Variants in ABCD4 observed in about 807,000 individuals in gnomAD.
ABCD4 encodes ATP binding cassette subfamily D member 4.
ABCD4 carries 53 observed loss-of-function variants against 86.3 expected under a neutral mutation model. That is an observed-to-expected ratio of 0.61 (90% CI 0.49 to 0.77). The LOEUF (loss-of-function observed/expected upper bound fraction) is 0.77. Among genes scored for constraint, ABCD4 ranks in the 30% least tolerant of loss-of-function variants. ABCD4 has a pLI of 0.00. For synonymous variants in ABCD4, 328 were observed against 313.6 expected (o/e 1.05, Z -0.49); for missense variants, 757 against 764.5 (o/e 0.99, Z 0.12).
intron 11 of ABCD4, among the ~76,000 whole-genome samples, chr14:74,291,402 T>A (rs981536165): frequency 6.6e-6 from 1 of 152,196 alleles, no homozygotes; most frequent in Admixed American, 6.5e-5. Flanking sequence ...ATCAGGTGGC[T>A]AAGTAACTGC....
intron 16 of ABCD4, 141 bp from the exon 17 acceptor site, chr14:74,288,027 G>T: frequency 9.6e-7 from 1 of 1,046,032 alleles, no homozygotes; most frequent in Non-Finnish European, 1.4e-6. Flanking sequence ...TCGACCATAG[G>T]CCTACAGCCC....
Position 74,286,703 on chromosome 14 carries a change from T to G in ABCD4, c.1750A>C (p.Lys584Gln). 1 of 1,614,082 alleles carries G rather than the reference T, an allele frequency of 6.2e-7. No homozygotes were observed. Among genetic ancestry groups the G allele is most frequent in the Non-Finnish European group, 8.5e-7 (1 of 1,180,032 alleles). Residue 584 changes from lysine (K) to glutamine (Q), a missense_variant and splice_region_variant, in exon 18 of 19, where the codon AAG becomes CAG. Physicochemically the swap from Lys to Gln is moderately conservative, Grantham distance 53. Coordinates refer to ENST00000356924, the MANE Select transcript of ABCD4 (RefSeq NM_005050.4). ...ISVGHRQSLEKFHSLVLKLCG... is the reference protein window; with the variant it reads ...ISVGHRQSLEQFHSLVLKLCG... ...GCCATCCTTGTGAGCACGGGTACCT[T>G]CTCAAGGCTCTGCCGATGTCCCACA...
In ABCD4 at chr14:74,288,724, C is replaced by T. The variant is rs150594251; in HGVS notation, c.1498G>A (p.Ala500Thr). 6.1e-5 allele frequency: 98 copies of T among 1,613,512 alleles called. No individual in the cohort carries two copies. In the African/African-American group the frequency reaches 1.1e-3, roughly 19 times the overall value. The part of the protein sequence containing the change: ...DERILRFLEL[A>T]GLSNLVARTE... The stretch of plus-strand genomic sequence containing the variant: ...TCCCTCTCCCCACTTACCAGGCCTG[C>T]CAATTCCAAGAACCTCAAGATCCTC... Residue 500 changes from alanine (A) to threonine (T), a missense_variant, in exon 15 of 19, where the codon GCA becomes ACA. Ala to Thr is a moderately conservative substitution (Grantham distance 58). Transcript: ENST00000356924.
chr14:74,299,783 C>T lies in ABCD4; in HGVS notation c.158-108G>A, dbSNP rs192001181. On this transcript the variant is annotated intron_variant, in intron 2 of 18. Transcript: ENST00000356924. ...GCACCCCAAAGAGATGAAAAGGGGC[C>T]GGGCGCGGTGGCTCACGCCTGTAAT... 1,846 of 1,186,372 alleles carry T rather than the reference C, an allele frequency of 1.6e-3. 19 individuals are homozygous for T. The African/African-American group carries it at 0.026, about 17-fold the overall frequency. 73.5% of individuals were successfully genotyped at this position (1,186,372 alleles called of 1,614,324 possible).
chr14:74,299,974 A>G (rs2083926992), intron 2 of ABCD4, 176 bp downstream of exon 2: 1 of 591,786 alleles, frequency 1.7e-6, no homozygotes, highest in Non-Finnish European at 3.0e-6. Context: ...AAGGCAGGAG[A>G]ATCACTTGAA....
intron 7 of ABCD4, 198 bp downstream of exon 7, chr14:74,294,950 C>G (rs2082465092): frequency 1.6e-6 from 1 of 623,534 alleles, no homozygotes. Flanking sequence ...AGTAAGGAAC[C>G]ACCAGCTTCA....
intron 13 of ABCD4, chr14:74,289,755 G>C: frequency 7.0e-7 from 1 of 1,434,730 alleles, no homozygotes; most frequent in East Asian, 2.5e-5. Flanking sequence ...AGGGGCCCCA[G>C]AATCCGACCT....
chr14:74,296,811 C>T lies in ABCD4; in HGVS notation c.426-362G>A, dbSNP rs548396240. The T allele has an allele frequency of 3.8e-5, 7 of 183,724 alleles. No homozygotes were observed. The East Asian group carries it at 4.7e-4, about 12-fold the overall frequency. The allele number at this position is 183,724 out of a possible 1,614,324, so 11.4% of individuals were successfully genotyped here. On this transcript the variant is annotated intron_variant, in intron 4 of 18. Coordinates refer to ENST00000356924, the MANE Select transcript of ABCD4 (RefSeq NM_005050.4). Reference sequence around the variant, plus strand: ...GACTATCCCCTTTATCTCAATCCTCCCAAATTTCTCTTATATAAGCCCTAG... The same window carrying T: ...GACTATCCCCTTTATCTCAATCCTCTCAAATTTCTCTTATATAAGCCCTAG...
Position 74,290,426 on chromosome 14 carries a change from A to G in ABCD4, c.1192T>C (p.Ser398Pro), listed in dbSNP as rs1185462664. 3.2e-5 allele frequency: 52 copies of G among 1,613,904 alleles called. No individual in the cohort carries two copies. The highest frequency in any genetic ancestry group is 4.2e-5 in the Non-Finnish European group (49 of 1,180,012). ...LLERVSISAP[S>P]SDKPLIKDLS... ...TCCTTGATTAGGGGTTTGTCAGAGGAGGGGGCAGAGATGGAGACCCGCTCA... is the reference window on the plus strand; with the variant it reads ...TCCTTGATTAGGGGTTTGTCAGAGGGGGGGGCAGAGATGGAGACCCGCTCA... The change falls in exon 12 of 19, where the codon TCC becomes CCC. Residue 398 changes from serine (S) to proline (P), a missense_variant. Physicochemically the swap from Ser to Pro is moderately conservative, Grantham distance 74 (BLOSUM62 -1). Transcript: ENST00000356924.
chr14:74,290,579 C>G (rs1260240798), intron 11 of ABCD4, 80 bp from the exon 12 acceptor site: 12 of 1,108,182 alleles, frequency 1.1e-5, no homozygotes, highest in South Asian at 1.0e-4. Flanking sequence ...TCCCGGGAGC[C>G]ACCACCTGTG....
Position 74,300,200 on chromosome 14 carries a change from G to A in ABCD4, c.107C>T (p.Ser36Leu), listed in dbSNP as rs1344217621. Residue 36 changes from serine (S) to leucine (L), a missense_variant, in exon 2 of 19, where the codon TCA (serine) becomes TTA (leucine). Physicochemically the swap from Ser to Leu is moderately radical, Grantham distance 145. Coordinates refer to ENST00000356924, the MANE Select transcript of ABCD4 (RefSeq NM_005050.4). Reference protein sequence around the residue: ...QILKVLFPSWSSQNALMFLTL... With the variant: ...QILKVLFPSWLSQNALMFLTL... ...CAGGAACATCAAGGCATTTTGTGAT[G>A]ACCAAGAAGGAAACAAAACCTTCAG... is the stretch of plus-strand genomic sequence containing the variant. 6.2e-7 allele frequency: 1 copy of A among 1,613,056 alleles called. No individual in the cohort carries two copies. The highest frequency in any genetic ancestry group is 8.5e-7 in the Non-Finnish European group (1 of 1,179,466).
chr14:74,288,523 T>C, intron 15 of ABCD4, 193 bp downstream of exon 15: 1 of 681,534 alleles, frequency 1.5e-6, no homozygotes, highest in Non-Finnish European at 2.5e-6. Flanking sequence ...GTTTTAAAAT[T>C]CTCCAATGAG....
intron 1 of ABCD4, among the ~76,000 whole-genome samples, chr14:74,300,565 C>A (rs1373955349): frequency 4.0e-5 from 6 of 148,376 alleles, no homozygotes; most frequent in African/African-American, 1.5e-4. Flanking sequence ...GCAACAAGAG[C>A]CTGGGCAACA....
intron 15 of ABCD4, 162 bp from the exon 16 acceptor site, chr14:74,288,421 G>T: frequency 2.8e-6 from 2 of 708,560 alleles, no homozygotes; most frequent in Non-Finnish European, 4.6e-6. Flanking sequence ...GTCTGCCCCA[G>T]GCAGAGAGGA....
In ABCD4 at chr14:74,299,241, T is replaced by C. The variant is rs541178215; in HGVS notation, c.285+307A>G. 7.4e-5 allele frequency: 19 copies of C among 258,006 alleles called. No homozygotes were observed. The East Asian group carries it at 1.9e-3, about 26-fold the overall frequency. The allele number at this position is 258,006 out of a possible 1,614,324, so 16.0% of individuals were successfully genotyped here. On this transcript the variant is annotated intron_variant, in intron 3 of 18. Transcript: ENST00000356924. ...AGCAGCTCTGGCTGCTGAGCCGTTT[T>C]AATGAGCTGCCGGAAATAAGAGTTC...
rs1442692835 is a variant in ABCD4 at position 74,293,387 on chromosome 14, C to T, written c.720-139G>A. ...GGTCTCAGGATCTGTCTACTGGTAG[C>T]GCCCATTCACGGCTTCAGTCATGCC... On this transcript the variant is annotated intron_variant, in intron 7 of 18. Transcript: ENST00000356924. 5.1e-5 allele frequency: 34 copies of T among 671,080 alleles called. No homozygotes were observed. In the South Asian group the frequency reaches 5.7e-4, roughly 11 times the overall value. The allele number at this position is 671,080 out of a possible 1,614,324, so 41.6% of individuals were successfully genotyped here.
chr14:74,290,248 A>G (rs1444506762), intron 12 of ABCD4, 43 bp downstream of exon 12: 3 of 1,611,350 alleles, frequency 1.9e-6, no homozygotes, highest in Non-Finnish European at 2.5e-6. Context: ...CCCCACCCCT[A>G]GGGCCCAGGC....
intron 13 of ABCD4, chr14:74,289,734 C>T (rs2080939496): frequency 7.0e-7 from 1 of 1,434,822 alleles, no homozygotes; most frequent in Non-Finnish European, 9.1e-7. Context: ...GTCTGACAGC[C>T]TCCTGAGGGC....
chr14:74,294,829 A>G (rs1269180497), intron 7 of ABCD4: 1 of 368,858 alleles, frequency 2.7e-6, no homozygotes, highest in African/African-American at 2.1e-5. Context: ...CTTAACAGAC[A>G]GAAGAGCAGA....
Sources: allele counts gnomAD v4.1 joint callset (sites outside exome capture counted in the v4.1 genomes callset), GRCh38; gene constraint gnomAD v4.1.1; transcripts MANE v1.5; gene names NCBI Gene and HGNC (gene_info 2026-07-23, HGNC 2026-07-21).